The following RAB38 variants were observed in gnomAD, a reference collection of about 807,000 sequenced individuals.
RAB38 encodes the protein ras-related protein Rab-38.
Under a neutral mutation model 18.4 loss-of-function variants are expected in RAB38, and 15 were observed. That is an observed-to-expected ratio of 0.82 (90% CI 0.55 to 1.26). The LOEUF is 1.26. Among genes scored for constraint, RAB38 ranks in the 50% most tolerant of loss-of-function variants. RAB38 has a pLI of 0.00. For synonymous variants in RAB38, 101 were observed against 104.4 expected, an observed-to-expected ratio of 0.97 and a Z score of 0.20; for missense variants, 294 against 267.4, an observed-to-expected ratio of 1.10 and a Z score of -0.69.
At chr11:88,058,163 C>T in the RAB38 span, among the ~76,000 whole-genome samples, 1 of 152,162 alleles carries the variant, frequency 6.6e-6, no homozygotes, top group South Asian at 2.1e-4. Flanking sequence ...TGGGGCCTCA[C>T]ACAGAGGATA....
At chr11:87,976,855 T>A in the RAB38 span, among the ~76,000 whole-genome samples, 456 of 71,252 alleles carry the variant, frequency 6.4e-3, 135 homozygotes, top group Middle Eastern at 0.033. Flanking sequence ...TGTTATATAA[T>A]GTATTATATA....
the RAB38 span, among the ~76,000 whole-genome samples, chr11:88,060,906 G>A: frequency 8.5e-5 from 13 of 152,370 alleles, no homozygotes; most frequent in East Asian, 2.5e-3. Flanking sequence ...GTTAGGAACT[G>A]TGGGGATGCA....
chr11:87,882,084 A>T, the RAB38 span, among the ~76,000 whole-genome samples: 1 of 151,898 alleles, frequency 6.6e-6, no homozygotes, highest in Admixed American at 6.6e-5. Context: ...ATCCCAGACC[A>T]ACCTGAATCT....
chr11:88,127,450 C>T (rs1418734473), intron 2 of RAB38, among the ~76,000 whole-genome samples: 2 of 152,154 alleles, frequency 1.3e-5, no homozygotes, highest in African/African-American at 4.8e-5. Context: ...GCTAATGTTC[C>T]TCTTCACACA....
chr11:88,008,835 G>C, the RAB38 span, among the ~76,000 whole-genome samples: 3 of 152,066 alleles, frequency 2.0e-5, no homozygotes, highest in Non-Finnish European at 4.4e-5. Context: ...CACCACGCCC[G>C]GCTAATTTTT....
chr11:87,957,285 C>G, the RAB38 span, among the ~76,000 whole-genome samples: 2 of 152,082 alleles, frequency 1.3e-5, no homozygotes, highest in African/African-American at 4.8e-5. Context: ...TTGCCTTTCT[C>G]TACTTCCTGC....
At chr11:87,973,987 A>G in the RAB38 span, among the ~76,000 whole-genome samples, 1 of 151,640 alleles carries the variant, frequency 6.6e-6, no homozygotes, top group African/African-American at 2.4e-5. Context: ...AAAATCCATC[A>G]TTCTTTACCT....
chr11:88,078,635 A>G, the RAB38 span, among the ~76,000 whole-genome samples: 1 of 151,938 alleles, frequency 6.6e-6, no homozygotes, highest in Non-Finnish European at 1.5e-5. Flanking sequence ...AGAAAGACAG[A>G]TGCTGTATGT....
At chr11:87,978,076 A>T in the RAB38 span, among the ~76,000 whole-genome samples, 1 of 116,144 alleles carries the variant, frequency 8.6e-6, no homozygotes, top group Non-Finnish European at 1.7e-5. Flanking sequence ...ATATATAAAT[A>T]TATAGGTGTA....
At chr11:88,173,593 A>G (rs1209061315) in intron 1 of RAB38, 3 of 985,448 alleles carry the variant, frequency 3.0e-6, no homozygotes, top group African/African-American at 3.5e-5. Context: ...ACAGAAGTCC[A>G]AATTACAGCT....
At chr11:87,852,293 C>T in the RAB38 span, among the ~76,000 whole-genome samples, 1 of 152,096 alleles carries the variant, frequency 6.6e-6, no homozygotes, top group Non-Finnish European at 1.5e-5. Flanking sequence ...CTTTCTGCTT[C>T]GGCTGCTTCT....
At chr11:87,950,552 C>T in the RAB38 span, among the ~76,000 whole-genome samples, 1 of 152,100 alleles carries the variant, frequency 6.6e-6, no homozygotes, top group Non-Finnish European at 1.5e-5. Flanking sequence ...TTTAGTGCTT[C>T]CTTCAGGAGC....
At chr11:87,882,475 C>A in the RAB38 span, among the ~76,000 whole-genome samples, 2 of 151,972 alleles carry the variant, frequency 1.3e-5, no homozygotes, top group Admixed American at 6.6e-5. Context: ...GACTATCAAT[C>A]TGCAGATTGT....
chr11:87,932,514 T>C, the RAB38 span, among the ~76,000 whole-genome samples: 1 of 152,082 alleles, frequency 6.6e-6, no homozygotes. Context: ...AGTTTCCTTC[T>C]ATCATCTCAC....
the RAB38 span, among the ~76,000 whole-genome samples, chr11:87,876,671 C>T: frequency 2.0e-5 from 3 of 151,418 alleles, no homozygotes; most frequent in African/African-American, 7.3e-5. Flanking sequence ...TTTGACTTTC[C>T]ATTGTCTTTA....
At chr11:88,103,028 T>TA in the RAB38 span, among the ~76,000 whole-genome samples, 31,586 of 151,854 alleles carry the variant, frequency 0.21, 4,606 homozygotes, top group East Asian at 0.4. Flanking sequence ...ATGCGTGCTG[T>TA]AATTTAACCT....
chr11:88,046,694 A>G, the RAB38 span, among the ~76,000 whole-genome samples: 1 of 152,294 alleles, frequency 6.6e-6, no homozygotes, highest in East Asian at 1.9e-4. Context: ...AACACCTTCT[A>G]CAAAACACAA....
chr11:87,836,483 A>G, the RAB38 span, among the ~76,000 whole-genome samples: 3 of 151,996 alleles, frequency 2.0e-5, no homozygotes, highest in South Asian at 4.2e-4. Flanking sequence ...TACCCCATCC[A>G]TTTTTCTCAT....
At chr11:87,804,858 C>T in the RAB38 span, among the ~76,000 whole-genome samples, 1 of 152,106 alleles carries the variant, frequency 6.6e-6, no homozygotes, top group Non-Finnish European at 1.5e-5. Context: ...TTCTTCATTC[C>T]ATGTAAACAA....
Sources: allele counts gnomAD v4.1 joint callset (sites outside exome capture counted in the v4.1 genomes callset), GRCh38; gene constraint gnomAD v4.1.1; transcripts MANE v1.5; gene names NCBI Gene and HGNC (gene_info 2026-07-23, HGNC 2026-07-21).